Variants in PECAM1 observed in about 807,000 individuals in gnomAD.
PECAM1 encodes platelet and endothelial cell adhesion molecule 1.
In PECAM1, 8 loss-of-function variants were observed where a neutral mutation model predicts 13.8. That is an observed-to-expected ratio of 0.58 (90% CI 0.34 to 1.05). The LOEUF (loss-of-function observed/expected upper bound fraction) is 1.05, where lower values mean the gene tolerates loss of function less well. PECAM1 is among the 50% of genes least tolerant of loss of function. The probability of loss-of-function intolerance (pLI) is 0.03; values close to 1 mark genes in which losing one functional copy is unlikely to be tolerated. For synonymous variants in PECAM1, 136 were observed against 52.6 expected (o/e 2.58, Z -6.86); for missense variants, 304 against 141.2 (o/e 2.15, Z -5.84).
Position 64,378,042 on chromosome 17 carries a change from T to A in PECAM1, c.167A>T (p.Gln56Leu). 2 of 475,334 alleles carry A rather than the reference T, an allele frequency of 4.2e-6. No individual in the cohort carries two copies. The highest frequency in any genetic ancestry group is 7.7e-6 in the Non-Finnish European group (2 of 259,046). 29.4% of individuals were successfully genotyped at this position (475,334 alleles called of 1,614,324 possible). ...TVQNGKNLTL[Q>L]CFADVSTTSH... The stretch of plus-strand genomic sequence containing the variant: ...GGTGGTGCTGACATCCGCGAAGCAC[T>A]GCAGGGTCAGGTTCTTCCCATTTTG... The change falls in exon 3 of 16, where the codon CAG becomes CTG. Residue 56 changes from glutamine (Q) to leucine (L), a missense_variant. Transcript: ENST00000563924.
intron 15 of PECAM1, among the ~76,000 whole-genome samples, chr17:64,325,173 G>A (rs1555645349): frequency 6.6e-6 from 1 of 152,166 alleles, no homozygotes; most frequent in African/African-American, 2.4e-5. Flanking sequence ...TGGATCATGA[G>A]GTCAGGAGTT....
Position 64,356,409 on chromosome 17 carries a change from G to A in PECAM1, c.1493-11C>T. The A allele has an allele frequency of 2.2e-6, 1 of 459,058 alleles. No homozygotes were observed. The highest frequency in any genetic ancestry group is 4.0e-6 in the Non-Finnish European group (1 of 251,378). 28.4% of individuals were successfully genotyped at this position (459,058 alleles called of 1,614,324 possible). On this transcript the variant is annotated splice_polypyrimidine_tract_variant and intron_variant, in intron 7 of 15. Coordinates refer to ENST00000563924, the MANE Select transcript of PECAM1 (RefSeq NM_000442.5). ...CCTCATCCACCGGGGCTGAAAAGCAGGAAAAGGATTCACACTGAGCAAAGA... is the reference window on the plus strand; with the variant it reads ...CCTCATCCACCGGGGCTGAAAAGCAAGAAAAGGATTCACACTGAGCAAAGA...
chr17:64,333,196 G>A (rs984090729), intron 14 of PECAM1, among the ~76,000 whole-genome samples: 1 of 152,168 alleles, frequency 6.6e-6, no homozygotes, highest in Non-Finnish European at 1.5e-5. Context: ...ATGGACCATT[G>A]AGTGAGTAGA....
intron 14 of PECAM1, among the ~76,000 whole-genome samples, chr17:64,331,924 C>T (rs972143804): frequency 2.6e-5 from 4 of 152,210 alleles, no homozygotes; most frequent in African/African-American, 7.2e-5. Context: ...TCAGTCTTAT[C>T]GAGAAAAGTA....
chr17:64,375,348 T>G lies in PECAM1; in HGVS notation c.394A>C (p.Ser132Arg). The stretch of plus-strand genomic sequence containing the variant: ...TTCTTGTCCAGTGTCACCCTGGGAC[T>G]GGGCACTCCTACGGGGAAAGAGAAA... ...EYQVLVEGVP[S>R]PRVTLDKKEA... The change falls in exon 4 of 16, where the codon AGT (serine) becomes CGT (arginine). Residue 132 changes from serine (S) to arginine (R), a missense_variant. Transcript: ENST00000563924. 2.1e-6 allele frequency: 1 copy of G among 471,892 alleles called. No homozygotes were observed. Among genetic ancestry groups the G allele is most frequent in the Non-Finnish European group, 3.9e-6 (1 of 257,662 alleles). 29.2% of individuals were successfully genotyped at this position (471,892 alleles called of 1,614,324 possible). A position where few individuals can be genotyped will look rare whatever the true frequency, so the allele number is the denominator to read the frequency against.
At chr17:64,337,503 C>T (rs922313544) in intron 14 of PECAM1, among the ~76,000 whole-genome samples, 13 of 152,276 alleles carry the variant, frequency 8.5e-5, no homozygotes, top group South Asian at 2.1e-4. Flanking sequence ...CTCATTTAAC[C>T]CCATTTGCAT....
chr17:64,378,581 G>C (rs2036414689), intron 2 of PECAM1, among the ~76,000 whole-genome samples: 1 of 152,088 alleles, frequency 6.6e-6, no homozygotes, highest in South Asian at 2.1e-4. Context: ...GGCGGGGGTT[G>C]CAGTGAGGTG....
intron 14 of PECAM1, among the ~76,000 whole-genome samples, chr17:64,331,771 G>A (rs2035128127): frequency 6.6e-6 from 1 of 152,250 alleles, no homozygotes; most frequent in South Asian, 2.1e-4. Context: ...CCAAACAGCT[G>A]ACTGTGGACC....
At chr17:64,370,204 C>T (rs896177720) in intron 4 of PECAM1, 179 bp from the exon 5 acceptor site, 27 of 388,940 alleles carry the variant, frequency 6.9e-5, no homozygotes, top group African/African-American at 8.2e-5. Context: ...CCTCCCTTCT[C>T]GCTCACTCTT....
In PECAM1 at chr17:64,354,924, T is replaced by C. The variant is rs1461072174; in HGVS notation, c.1888+9A>G. ...ACCAGTCAGTATGGAAGGAAAGAAC[T>C]ATGCTCACCCTTGGCTTTCCTCAGA... On this transcript the variant is annotated intron_variant, in intron 9 of 15. Coordinates refer to ENST00000563924, the MANE Select transcript of PECAM1 (RefSeq NM_000442.5). The C allele has an allele frequency of 2.1e-6, 1 of 475,272 alleles. No homozygotes were observed. Among genetic ancestry groups the C allele is most frequent in the Non-Finnish European group, 3.9e-6 (1 of 259,054 alleles). 29.4% of individuals were successfully genotyped at this position (475,272 alleles called of 1,614,324 possible).
At chr17:64,384,926 A>G (rs1428847237) in intron 2 of PECAM1, among the ~76,000 whole-genome samples, 1 of 152,248 alleles carries the variant, frequency 6.6e-6, no homozygotes, top group African/African-American at 2.4e-5. Flanking sequence ...CTTTCTAAAT[A>G]AACCAGCCAA....
intron 10 of PECAM1, 61 bp from the exon 11 acceptor site, chr17:64,352,524 C>T (rs2143780002): frequency 4.8e-6 from 2 of 418,538 alleles, no homozygotes; most frequent in Non-Finnish European, 8.6e-6. Flanking sequence ...TGTTATTGTT[C>T]TAACCCCAAA....
In PECAM1 at chr17:64,369,867, G is replaced by A. The variant is rs2036202024; in HGVS notation, c.850C>T (p.His284Tyr). 5 of 398,520 alleles carry A rather than the reference G, an allele frequency of 1.3e-5. No individual in the cohort carries two copies. In the East Asian group the frequency reaches 1.8e-4, roughly 14 times the overall value. 24.7% of individuals were successfully genotyped at this position (398,520 alleles called of 1,614,324 possible). ...KDKAIVAHNR[H>Y]GNKAVYSVMA... ...ACTGAGTACACAGCCTTGTTGCCAT[G>A]TCTGTTGTGGGCCACAATCGCCTTG... Residue 284 changes from histidine (H) to tyrosine (Y), a missense_variant, in exon 5 of 16, where the codon CAT becomes TAT. Physicochemically the swap from His to Tyr is moderately conservative, Grantham distance 83 (BLOSUM62 2). Coordinates refer to ENST00000563924, the MANE Select transcript of PECAM1 (RefSeq NM_000442.5).
chr17:64,359,536 A>G (rs1350171258), intron 7 of PECAM1, among the ~76,000 whole-genome samples: 1 of 152,174 alleles, frequency 6.6e-6, no homozygotes, highest in Non-Finnish European at 1.5e-5. Context: ...GAAAAGGAGA[A>G]AGTGCTAAGG....
At position 64,323,571 on chromosome 17, in the gene PECAM1, G is replaced by T. The variant is rs539278467; in HGVS notation, c.*245C>A. The stretch of plus-strand genomic sequence containing the variant: ...CCTCTTGTGCTCTTCCAATTTCCAA[G>T]GATGTTCCAACTTGGTGGAAGGAGG... On this transcript the variant is annotated 3_prime_UTR_variant, in exon 16 of 16. Coordinates refer to ENST00000563924, the MANE Select transcript of PECAM1 (RefSeq NM_000442.5). The T allele has an allele frequency of 2.8e-6, 4 of 1,417,706 alleles. No individual in the cohort carries two copies. In the African/African-American group the frequency reaches 5.8e-5, roughly 20 times the overall value. The allele number at this position is 1,417,706 out of a possible 1,614,324, so 87.8% of individuals were successfully genotyped here.
intron 6 of PECAM1, among the ~76,000 whole-genome samples, chr17:64,361,127 A>ATGTGTGTGTGTG (rs1384237450): frequency 1.1e-3 from 50 of 47,002 alleles, no homozygotes; most frequent in African/African-American, 2.4e-3. Context: ...GGCTGAGCAT[A>ATGTGTGTGTGTG]TATGTGTGTG....
rs1222821218 is a variant in PECAM1 at position 64,319,611 on chromosome 17, G to C, written c.*4205C>G. ...ATTCTTCCCTTGCAGCAGGCTGTCC[G>C]CGTATGTGGTGACCTGCCAGCACTT... On this transcript the variant is annotated 3_prime_UTR_variant, in exon 16 of 16. Transcript: ENST00000563924. 2 of 152,114 alleles carry C rather than the reference G, an allele frequency of 1.3e-5. No individual in the cohort carries two copies. The highest frequency in any genetic ancestry group is 6.5e-5 in the Admixed American group (1 of 15,274). The allele number at this position is 152,114 out of a possible 1,614,324, so 9.4% of individuals were successfully genotyped here.
intron 4 of PECAM1, among the ~76,000 whole-genome samples, chr17:64,370,788 CA>C (rs2036221997): frequency 6.6e-6 from 1 of 151,942 alleles, no homozygotes; most frequent in Admixed American, 6.6e-5. Flanking sequence ...CCACTTACAA[CA>C]AAAAAACAAG....
intron 5 of PECAM1, among the ~76,000 whole-genome samples, chr17:64,365,385 T>C (rs2036080204): frequency 1.3e-5 from 2 of 151,566 alleles, no homozygotes; most frequent in Non-Finnish European, 2.9e-5. Context: ...ATCGTGAAAA[T>C]GGCCATACTG....
Sources: gnomAD v4.1 joint callset for allele counts (sites outside exome capture counted in the v4.1 genomes callset) on GRCh38, gnomAD v4.1.1 for gene constraint, MANE v1.5 for transcripts, NCBI Gene and HGNC (gene_info 2026-07-23, HGNC 2026-07-21) for gene names.